The following ELMO1 variants were observed in gnomAD, a reference collection of about 807,000 sequenced individuals.
ELMO1 encodes engulfment and cell motility 1, also known as engulfment and cell motility protein 1.
ELMO1 carries 26 observed loss-of-function variants against 98.9 expected under a neutral mutation model. That is an observed-to-expected ratio of 0.26 (90% CI 0.19 to 0.36). The LOEUF (loss-of-function observed/expected upper bound fraction) is 0.36, where lower values mean the gene tolerates loss of function less well. ELMO1 is among the 10% of genes least tolerant of loss of function. The pLI is 1.00. For missense variants in ELMO1, 627 were observed against 935.2 expected (o/e 0.67, Z 4.30); for synonymous variants, 346 against 346.0 (o/e 1.00, Z 0.00).
chr7:37,284,798 G>A (rs1364242927), intron 4 of ELMO1, among the ~76,000 whole-genome samples: 1 of 151,342 alleles, frequency 6.6e-6, no homozygotes, highest in Non-Finnish European at 1.5e-5. Flanking sequence ...CTAAAAGCAA[G>A]CCCAAATATT....
intron 1 of ELMO1, among the ~76,000 whole-genome samples, chr7:37,372,190 G>GC (rs1464159664): frequency 6.6e-6 from 1 of 151,448 alleles, no homozygotes; most frequent in African/African-American, 2.4e-5. Flanking sequence ...ATCTAGTCTT[G>GC]CCCCCACATT....
intron 7 of ELMO1, 118 bp downstream of exon 7, chr7:37,244,238 A>G: frequency 9.4e-7 from 1 of 1,065,134 alleles, no homozygotes; most frequent in Non-Finnish European, 1.3e-6. Context: ...AATAACAAAA[A>G]ATCACTTATT....
intron 2 of ELMO1, among the ~76,000 whole-genome samples, chr7:37,321,737 A>AAC (rs1799517460): frequency 1.4e-5 from 2 of 143,288 alleles, no homozygotes; most frequent in African/African-American, 2.5e-5. Flanking sequence ...AAAAAAAAAA[A>AAC]ACACAGAAAA....
At chr7:37,381,673 G>C (rs143739331) in intron 1 of ELMO1, among the ~76,000 whole-genome samples, 5 of 152,076 alleles carry the variant, frequency 3.3e-5, no homozygotes, top group African/African-American at 4.8e-5. Flanking sequence ...AACCAATGTC[G>C]AGGGAAATTT....
At chr7:37,191,022 T>C (rs1377826864) in intron 13 of ELMO1, among the ~76,000 whole-genome samples, 2 of 151,380 alleles carry the variant, frequency 1.3e-5, no homozygotes, top group African/African-American at 2.4e-5. Flanking sequence ...ACCCCATCTC[T>C]ACTAAAAATA....
At chr7:37,389,520 A>G (rs1429156449) in intron 1 of ELMO1, among the ~76,000 whole-genome samples, 10 of 152,204 alleles carry the variant, frequency 6.6e-5, no homozygotes, top group Admixed American at 5.9e-4. Flanking sequence ...TGAAGTTGTC[A>G]CCTGAAATGT....
chr7:36,995,506 C>CA (rs370173470), intron 16 of ELMO1, among the ~76,000 whole-genome samples: 6,299 of 120,520 alleles, frequency 0.052, 232 homozygotes, highest in African/African-American at 0.096. Context: ...GACTCTGTCT[C>CA]AAAAAAAAAA....
In ELMO1 at chr7:37,246,866, C is replaced by CTCTATCTATCTA. The variant is rs10547342; in HGVS notation, c.414-2487_414-2476dup. On this transcript the variant is annotated intron_variant, in intron 6 of 21. Coordinates refer to ENST00000310758, the MANE Select transcript of ELMO1 (RefSeq NM_014800.11). ...TCTGTCTATATCTATCTATATATAT[C>CTCTATCTATCTA]TCTATCTATCTATCTATCTATCTAT... 2.6e-3 allele frequency among the ~76,000 whole-genome samples: 395 copies of CTCTATCTATCTA among 151,092 alleles called. 1 individual carries two copies. Among genetic ancestry groups the CTCTATCTATCTA allele is most frequent in the African/African-American group, 5.5e-3 (226 of 41,056 alleles).
chr7:37,334,880 A>T (rs2723986), intron 2 of ELMO1, among the ~76,000 whole-genome samples: 2 of 152,318 alleles, frequency 1.3e-5, no homozygotes, highest in South Asian at 2.1e-4. Flanking sequence ...AGGGAATTAA[A>T]CCCTTCCCAA....
intron 4 of ELMO1, among the ~76,000 whole-genome samples, chr7:37,303,781 T>C (rs1022139805): frequency 6.6e-6 from 1 of 152,216 alleles, no homozygotes; most frequent in African/African-American, 2.4e-5. Flanking sequence ...CTGGAGAACA[T>C]GGAATGATCA....
At chr7:37,266,239 T>G (rs1207483287) in intron 5 of ELMO1, among the ~76,000 whole-genome samples, 1 of 151,956 alleles carries the variant, frequency 6.6e-6, no homozygotes, top group Non-Finnish European at 1.5e-5. Flanking sequence ...AGAGAAAAAT[T>G]GAAAACCTGA....
intron 13 of ELMO1, among the ~76,000 whole-genome samples, chr7:37,182,972 C>CT (rs903507850): frequency 3.9e-5 from 6 of 152,106 alleles, no homozygotes; most frequent in African/African-American, 9.7e-5. Flanking sequence ...CTATGCTCTT[C>CT]TTTTTTTTCC....
intron 16 of ELMO1, among the ~76,000 whole-genome samples, chr7:36,921,538 T>G (rs990712385): frequency 6.6e-6 from 1 of 152,214 alleles, no homozygotes; most frequent in African/African-American, 2.4e-5. Flanking sequence ...GCTATTATTA[T>G]GACTACTACT....
intron 16 of ELMO1, among the ~76,000 whole-genome samples, chr7:37,011,732 C>T (rs1424392620): frequency 6.6e-6 from 1 of 152,184 alleles, no homozygotes; most frequent in Admixed American, 6.5e-5. Context: ...CACAGCAGCA[C>T]ATGAAAGAGC....
At chr7:37,049,469 T>C (rs992170563) in intron 15 of ELMO1, among the ~76,000 whole-genome samples, 5 of 152,258 alleles carry the variant, frequency 3.3e-5, no homozygotes, top group South Asian at 2.1e-4. Context: ...AAGGAAACCA[T>C]GGGCAAAAAT....
intron 4 of ELMO1, among the ~76,000 whole-genome samples, chr7:37,286,876 C>A (rs1268697226): frequency 6.6e-6 from 1 of 151,890 alleles, no homozygotes; most frequent in African/African-American, 2.4e-5. Context: ...GCAAAGAAAC[C>A]AAACAGTTAT....
At chr7:37,246,791 A>ATAGATAGATAGATAG (rs1562550743) in intron 6 of ELMO1, among the ~76,000 whole-genome samples, 11 of 145,832 alleles carry the variant, frequency 7.5e-5, no homozygotes, top group African/African-American at 3.0e-4. Context: ...TAGATAGATA[A>ATAGATAGATAGATAG]ACAGACAGAT....
chr7:37,323,523 G>A (rs1271279464), intron 2 of ELMO1, among the ~76,000 whole-genome samples: 1 of 152,104 alleles, frequency 6.6e-6, no homozygotes, highest in Non-Finnish European at 1.5e-5. Flanking sequence ...GTGAAACTCT[G>A]TCTCTACTAA....
intron 15 of ELMO1, among the ~76,000 whole-genome samples, chr7:37,090,569 G>T (rs1035292866): frequency 6.6e-6 from 1 of 152,108 alleles, no homozygotes; most frequent in Non-Finnish European, 1.5e-5. Flanking sequence ...TGAACCTCCA[G>T]GTCTTCTAGC....
Sources: allele counts gnomAD v4.1 joint callset (sites outside exome capture counted in the v4.1 genomes callset), GRCh38; gene constraint gnomAD v4.1.1; transcripts MANE v1.5; gene names NCBI Gene and HGNC (gene_info 2026-07-23, HGNC 2026-07-21).